Variants in DOCK4 observed in about 807,000 individuals in gnomAD.
The protein encoded by DOCK4 is dedicator of cytokinesis 4.
A neutral mutation model predicts 268.1 loss-of-function variants in DOCK4; 97 were observed. The observed-to-expected ratio is 0.36, with a 90% CI of 0.31 to 0.43. The LOEUF is 0.43. Ranked by LOEUF, DOCK4 falls within the 20% of genes least tolerant of loss-of-function variation. The probability of loss-of-function intolerance (pLI) is 1.00; values close to 1 mark genes in which losing one functional copy is unlikely to be tolerated. For missense variants in DOCK4, 2,145 were observed against 2,455.7 expected (o/e 0.87, Z 2.67); for synonymous variants, 954 against 887.2 (o/e 1.08, Z -1.34).
intron 5 of DOCK4, among the ~76,000 whole-genome samples, chr7:111,993,909 C>G (rs180889008): frequency 6.6e-6 from 1 of 152,186 alleles, no homozygotes; most frequent in East Asian, 1.9e-4. Context: ...TGGTTAGATG[C>G]CAGAAAAATA....
At chr7:112,167,834 T>C (rs1428333506) in intron 1 of DOCK4, among the ~76,000 whole-genome samples, 2 of 152,200 alleles carry the variant, frequency 1.3e-5, no homozygotes, top group African/African-American at 2.4e-5. Context: ...AATTTCATTA[T>C]TATAAAATTG....
chr7:112,160,995 AG>A (rs1484917501), intron 1 of DOCK4, among the ~76,000 whole-genome samples: 3 of 152,190 alleles, frequency 2.0e-5, no homozygotes, highest in Admixed American at 1.3e-4. Flanking sequence ...TAATATTTGC[AG>A]GGGGACAGAA....
chr7:111,810,791 G>T (rs972016859), intron 28 of DOCK4, among the ~76,000 whole-genome samples: 3 of 152,124 alleles, frequency 2.0e-5, no homozygotes, highest in African/African-American at 7.2e-5. Context: ...GAGGTCAGGA[G>T]TTCAAGGCCA....
chr7:111,979,035 C>A (rs949870761), intron 7 of DOCK4, among the ~76,000 whole-genome samples: 2 of 152,126 alleles, frequency 1.3e-5, no homozygotes, highest in African/African-American at 4.8e-5. Flanking sequence ...TGTAACAGAG[C>A]CATAGCCTGT....
At chr7:111,851,304 C>T (rs746731019) in intron 23 of DOCK4, among the ~76,000 whole-genome samples, 8 of 151,982 alleles carry the variant, frequency 5.3e-5, no homozygotes, top group African/African-American at 7.2e-5. Context: ...ATTAGCTGGG[C>T]GTGGCGGCAC....
intron 1 of DOCK4, among the ~76,000 whole-genome samples, chr7:112,050,525 A>G (rs944306967): frequency 1.3e-5 from 2 of 152,168 alleles, no homozygotes; most frequent in Admixed American, 1.3e-4. Flanking sequence ...CCACATTGGT[A>G]AACAATCATT....
At chr7:111,801,954 G>T (rs1800329503) in intron 30 of DOCK4, among the ~76,000 whole-genome samples, 1 of 151,204 alleles carries the variant, frequency 6.6e-6, no homozygotes. Context: ...GCCTGCCTTG[G>T]CCTCCCAAAG....
intron 8 of DOCK4, among the ~76,000 whole-genome samples, chr7:111,957,742 A>G (rs1796556925): frequency 6.6e-6 from 1 of 152,192 alleles, no homozygotes; most frequent in African/African-American, 2.4e-5. Flanking sequence ...GGACAGTAAG[A>G]ATTGTTTGCT....
chr7:111,877,233 A>C, intron 16 of DOCK4, 47 bp from the exon 17 acceptor site: 20 of 1,289,906 alleles, frequency 1.6e-5, no homozygotes, highest in African/African-American at 3.1e-5. Context: ...AAGAGATCTC[A>C]TAAGAATTAT....
At chr7:111,960,668 T>C (rs1472440325) in intron 8 of DOCK4, among the ~76,000 whole-genome samples, 1 of 151,814 alleles carries the variant, frequency 6.6e-6, no homozygotes, top group Non-Finnish European at 1.5e-5. Context: ...CTAACTGAAA[T>C]TTTGTATCCT....
chr7:111,884,472 A>C (rs1037587616), intron 16 of DOCK4, among the ~76,000 whole-genome samples: 1 of 152,230 alleles, frequency 6.6e-6, no homozygotes, highest in African/African-American at 2.4e-5. Flanking sequence ...AATTCAAGTA[A>C]TTAATTCAAA....
intron 1 of DOCK4, among the ~76,000 whole-genome samples, chr7:112,085,910 A>G (rs1417379286): frequency 1.3e-5 from 2 of 152,150 alleles, no homozygotes; most frequent in Non-Finnish European, 2.9e-5. Flanking sequence ...TAAACAGACC[A>G]GAGTCTAATC....
At chr7:111,870,323 C>CTTTTTTTTTTTTTTTTT (rs796444724) in intron 20 of DOCK4, among the ~76,000 whole-genome samples, 1 of 131,358 alleles carries the variant, frequency 7.6e-6, no homozygotes, top group African/African-American at 2.9e-5. Flanking sequence ...TTTTTCTTTT[C>CTTTTTTTTTTTTTTTTT]TTTTTTTTTT....
intron 1 of DOCK4, among the ~76,000 whole-genome samples, chr7:112,035,358 A>G (rs1803660028): frequency 6.6e-6 from 1 of 151,716 alleles, no homozygotes; most frequent in South Asian, 2.1e-4. Flanking sequence ...TATGTAAACT[A>G]AGACTGTAAG....
At position 112,010,310 on chromosome 7, in the gene DOCK4, G is replaced by A. The variant is rs143657822; in HGVS notation, c.38-6179C>T. Among the ~76,000 whole-genome samples the A allele has an allele frequency of 2.0e-3, 310 of 152,324 alleles. 2 individuals are homozygous for A. Among genetic ancestry groups the A allele is most frequent in the African/African-American group, 7.2e-3 (301 of 41,574 alleles). ...TTTCTAGCTGTCTGGGACAGGGCTGGAGGAAAGACAGAAGTCATTTGGAGA... is the reference window on the plus strand; with the variant it reads ...TTTCTAGCTGTCTGGGACAGGGCTGAAGGAAAGACAGAAGTCATTTGGAGA... On this transcript the variant is annotated intron_variant, in intron 1 of 52. Coordinates refer to ENST00000428084, the MANE Select transcript of DOCK4 (RefSeq NM_001363540.2).
At chr7:111,939,349 A>C (rs1795014108) in intron 11 of DOCK4, among the ~76,000 whole-genome samples, 1 of 151,772 alleles carries the variant, frequency 6.6e-6, no homozygotes, top group South Asian at 2.1e-4. Flanking sequence ...CCCCGTCTCT[A>C]CTAAAAATAC....
chr7:111,906,498 T>C (rs1039553308), intron 13 of DOCK4, among the ~76,000 whole-genome samples: 1 of 152,050 alleles, frequency 6.6e-6, no homozygotes, highest in Non-Finnish European at 1.5e-5. Flanking sequence ...CTAGGAACCA[T>C]GAAGAGGAAT....
chr7:111,941,683 A>G (rs1795204828), intron 10 of DOCK4, among the ~76,000 whole-genome samples: 1 of 152,146 alleles, frequency 6.6e-6, no homozygotes, highest in East Asian at 1.9e-4. Flanking sequence ...ATTATTCCTA[A>G]TGACTCTGCT....
intron 1 of DOCK4, among the ~76,000 whole-genome samples, chr7:112,108,562 G>C (rs1811342124): frequency 1.3e-5 from 2 of 152,244 alleles, no homozygotes; most frequent in East Asian, 1.9e-4. Flanking sequence ...CTGGCAATAA[G>C]ACATTTATTT....
Sources: allele counts gnomAD v4.1 joint callset (sites outside exome capture counted in the v4.1 genomes callset), GRCh38; gene constraint gnomAD v4.1.1; transcripts MANE v1.5; gene names NCBI Gene and HGNC (gene_info 2026-07-23, HGNC 2026-07-21).